The following EMC2 variants were observed in gnomAD, a reference collection of about 807,000 sequenced individuals.
EMC2 encodes TPR repeat protein 35.
In EMC2, 37 loss-of-function variants were observed where a neutral mutation model predicts 51.6. The ratio of observed to expected loss-of-function variants is 0.72; its 90% CI spans 0.55 to 0.94. EMC2 has a LOEUF of 0.94. EMC2 is among the 40% of genes least tolerant of loss of function. The pLI, the probability that EMC2 is intolerant of heterozygous loss-of-function variation, is 0.00. For synonymous variants in EMC2, 131 were observed against 112.4 expected (o/e 1.17, Z -1.04); for missense variants, 359 against 350.9 (o/e 1.02, Z -0.18).
intron 9 of EMC2, 92 bp from the exon 10 acceptor site, chr8:108,478,914 T>C: frequency 4.3e-6 from 2 of 462,688 alleles, no homozygotes; most frequent in South Asian, 7.1e-5. Context: ...AAAAATTCTT[T>C]ATTATCCCAT....
intron 4 of EMC2, among the ~76,000 whole-genome samples, chr8:108,455,569 T>C (rs1365106993): frequency 6.6e-6 from 1 of 152,180 alleles, no homozygotes; most frequent in Non-Finnish European, 1.5e-5. Flanking sequence ...TTGTTCTGTC[T>C]TCAACTTGTG....
At position 108,455,991 on chromosome 8, in the gene EMC2, G is replaced by A. The variant is rs1009748266; in HGVS notation, c.363+61G>A. The A allele has an allele frequency of 3.6e-5, 23 of 634,276 alleles. 1 individual carries two copies. The Middle Eastern group carries it at 3.3e-3, about 90-fold the overall frequency. 39.3% of individuals were successfully genotyped at this position (634,276 alleles called of 1,614,324 possible). A position where few individuals can be genotyped will look rare whatever the true frequency, so the allele number is the denominator to read the frequency against. The stretch of plus-strand genomic sequence containing the variant: ...TTTAATTTAAAAGATAAAATTAATC[G>A]AGGAAATAATAGATACATAAGGAAC... On this transcript the variant is annotated intron_variant, in intron 5 of 10. Coordinates refer to ENST00000220853, the MANE Select transcript of EMC2 (RefSeq NM_014673.5).
chr8:108,459,489 A>T (rs1466959697), intron 5 of EMC2, among the ~76,000 whole-genome samples: 2 of 152,214 alleles, frequency 1.3e-5, no homozygotes, highest in African/African-American at 4.8e-5. Context: ...GTCACATCTT[A>T]CATGGATGAC....
chr8:108,458,315 C>A (rs1481549912), intron 5 of EMC2, among the ~76,000 whole-genome samples: 1 of 152,204 alleles, frequency 6.6e-6, no homozygotes, highest in African/African-American at 2.4e-5. Context: ...GCCCTTTTCT[C>A]ACAGCTCCAT....
intron 5 of EMC2, among the ~76,000 whole-genome samples, chr8:108,469,210 A>G (rs565583095): frequency 6.6e-6 from 1 of 152,332 alleles, no homozygotes; most frequent in Admixed American, 6.5e-5. Flanking sequence ...ATTGGCAAAC[A>G]GTAGAAGTCT....
chr8:108,455,366 C>A (rs1212204943), intron 4 of EMC2, among the ~76,000 whole-genome samples: 1 of 152,056 alleles, frequency 6.6e-6, no homozygotes, highest in Non-Finnish European at 1.5e-5. Context: ...TTCATCATTT[C>A]TTTTGCATTG....
chr8:108,473,640 T>C (rs1195886474), intron 7 of EMC2, among the ~76,000 whole-genome samples: 1 of 148,166 alleles, frequency 6.7e-6, no homozygotes, highest in Non-Finnish European at 1.5e-5. Flanking sequence ...TATAGTTCCT[T>C]TTCATAAGTC....
intron 5 of EMC2, among the ~76,000 whole-genome samples, chr8:108,459,590 A>C (rs1476428609): frequency 6.6e-6 from 1 of 152,134 alleles, no homozygotes; most frequent in East Asian, 1.9e-4. Context: ...ACAGTGCAGG[A>C]AAGACACGCC....
At position 108,445,739 on chromosome 8, in the gene EMC2, A is replaced by G. The variant is rs186919548; in HGVS notation, c.40+2041A>G. ...TTTTGTCTCTCCTAAGATGAAAGGGACCAGGCCTGTTTCTTCACTGTCACT... is the reference window on the plus strand; with the variant it reads ...TTTTGTCTCTCCTAAGATGAAAGGGGCCAGGCCTGTTTCTTCACTGTCACT... On this transcript the variant is annotated intron_variant, in intron 1 of 10. Transcript: ENST00000220853. Among the ~76,000 whole-genome samples, 4 of 152,300 alleles carry G rather than the reference A, an allele frequency of 2.6e-5. No individual in the cohort carries two copies. In the East Asian group the frequency reaches 7.7e-4, roughly 29 times the overall value.
Position 108,451,031 on chromosome 8 carries a change from G to A in EMC2, c.219+539G>A, listed in dbSNP as rs192699039. Reference sequence around the variant, plus strand: ...AGCCTGGCCAACGTGGTGAAACCCCGTCTCTAGTAAAGATACAAAAAATCA... The same window carrying A: ...AGCCTGGCCAACGTGGTGAAACCCCATCTCTAGTAAAGATACAAAAAATCA... On this transcript the variant is annotated intron_variant, in intron 3 of 10. Coordinates refer to ENST00000220853, the MANE Select transcript of EMC2 (RefSeq NM_014673.5). Among the ~76,000 whole-genome samples the A allele has an allele frequency of 3.6e-3, 546 of 152,062 alleles. 5 individuals carry two copies. The highest frequency in any genetic ancestry group is 2.0e-3 in the Non-Finnish European group (137 of 67,968).
intron 1 of EMC2, 92 bp downstream of exon 1, chr8:108,443,790 G>A: frequency 3.4e-6 from 4 of 1,159,626 alleles, no homozygotes; most frequent in Non-Finnish European, 5.0e-6. Context: ...GGGTTCTCTG[G>A]TGTCTTTTTG....
At chr8:108,486,418 A>C (rs1035645008) in intron 10 of EMC2, 94 bp from the exon 11 acceptor site, 1 of 1,387,540 alleles carries the variant, frequency 7.2e-7, no homozygotes, top group Non-Finnish European at 9.5e-7. Flanking sequence ...TAAAATAGTC[A>C]ATGTTAAGTT....
At chr8:108,458,430 A>T (rs1030856813) in intron 5 of EMC2, among the ~76,000 whole-genome samples, 3 of 152,196 alleles carry the variant, frequency 2.0e-5, no homozygotes, top group Non-Finnish European at 4.4e-5. Context: ...CCCGTGCAAC[A>T]AACTTCTGCC....
At position 108,450,473 on chromosome 8, in the gene EMC2, G is replaced by C. The variant is rs1818989502; in HGVS notation, c.200G>C (p.Gly67Ala). The C allele has an allele frequency of 1.3e-6, 2 of 1,596,056 alleles. No homozygotes were observed. Among genetic ancestry groups the C allele is most frequent in the South Asian group, 2.2e-5 (2 of 90,726 alleles). The stretch of plus-strand genomic sequence containing the variant: ...GTGATGATTGCAGCACTAGACTATG[G>C]TCGGGATGACTTGGCATTGGTAGGT... The part of the protein sequence containing the change: ...EQVMIAALDY[G>A]RDDLALFCLQ... Residue 67 changes from glycine to alanine, a missense_variant, in exon 3 of 11, where the codon GGT becomes GCT. Transcript: ENST00000220853.
chr8:108,449,264 C>T (rs1048266371), intron 1 of EMC2, among the ~76,000 whole-genome samples: 8 of 141,246 alleles, frequency 5.7e-5, no homozygotes, highest in Admixed American at 2.2e-4. Flanking sequence ...AGGCGGGTGC[C>T]ACCATGCTGC....
intron 5 of EMC2, among the ~76,000 whole-genome samples, chr8:108,462,515 AG>A (rs1448914972): frequency 6.6e-6 from 1 of 152,110 alleles, no homozygotes; most frequent in Non-Finnish European, 1.5e-5. Flanking sequence ...CTGGGTCAGG[AG>A]GTCCATGGAT....
At chr8:108,485,782 C>T (rs1383775274) in intron 10 of EMC2, among the ~76,000 whole-genome samples, 1 of 151,228 alleles carries the variant, frequency 6.6e-6, no homozygotes, top group African/African-American at 2.4e-5. Context: ...CTTTTAAATA[C>T]ACAAATATAG....
At chr8:108,461,791 C>G (rs1477365866) in intron 5 of EMC2, among the ~76,000 whole-genome samples, 1 of 152,000 alleles carries the variant, frequency 6.6e-6, no homozygotes, top group African/African-American at 2.4e-5. Flanking sequence ...AAGTCTGTTC[C>G]TCTATCCCTG....
intron 4 of EMC2, among the ~76,000 whole-genome samples, chr8:108,454,938 T>C (rs1015161688): frequency 2.6e-5 from 4 of 152,068 alleles, no homozygotes; most frequent in Non-Finnish European, 5.9e-5. Flanking sequence ...AAGTCTGATA[T>C]AATTCTTATC....
Sources: gnomAD v4.1 joint callset for allele counts (sites outside exome capture counted in the v4.1 genomes callset) on GRCh38, gnomAD v4.1.1 for gene constraint, MANE v1.5 for transcripts, NCBI Gene and HGNC (gene_info 2026-07-23, HGNC 2026-07-21) for gene names.